FBXO31: variants seen among roughly 807,000 people sequenced by gnomAD.
The protein encoded by FBXO31 is F-box only protein 31.
A neutral mutation model predicts 54.4 loss-of-function variants in FBXO31; 24 were observed. The ratio of observed to expected loss-of-function variants is 0.44; its 90% CI spans 0.32 to 0.62. The LOEUF is 0.62. FBXO31 is among the 20% of genes least tolerant of loss of function. FBXO31 has a pLI of 0.05. For synonymous variants in FBXO31, 388 were observed against 335.6 expected, an observed-to-expected ratio of 1.16 and a Z score of -1.71; for missense variants, 665 against 787.1, an observed-to-expected ratio of 0.84 and a Z score of 1.86.
chr16:87,362,327 G>A (rs1462982156), intron 1 of FBXO31, among the ~76,000 whole-genome samples: 1 of 151,640 alleles, frequency 6.6e-6, no homozygotes, highest in African/African-American at 2.4e-5. Flanking sequence ...TAGAGATAGG[G>A]TCTCACTATG....
chr16:87,331,447 G>T lies in FBXO31; in HGVS notation c.1461C>A (p.Val487=). The change falls in exon 9 of 9, where the codon GTC becomes GTA. Residue 487 remains valine, a synonymous_variant. Transcript: ENST00000311635. The part of the protein sequence containing the change: ...GFTSPERTPG[V]FILFDEDRFG... The stretch of plus-strand genomic sequence containing the variant: ...AGCGGTCCTCATCGAAGAGGATGAA[G>T]ACCCCGGGGGTGCGTTCAGGGCTGG... 1 of 1,613,668 alleles carries T rather than the reference G, an allele frequency of 6.2e-7. No individual in the cohort carries two copies. The highest frequency in any genetic ancestry group is 8.5e-7 in the Non-Finnish European group (1 of 1,179,926).
chr16:87,381,199 A>G (rs1780345928), intron 1 of FBXO31, among the ~76,000 whole-genome samples: 1 of 152,214 alleles, frequency 6.6e-6, no homozygotes, highest in African/African-American at 2.4e-5. Context: ...CATGACAAAA[A>G]TCTTGTATTA....
intron 2 of FBXO31, among the ~76,000 whole-genome samples, chr16:87,355,331 A>T (rs1905844650): frequency 6.6e-6 from 1 of 152,260 alleles, no homozygotes; most frequent in Non-Finnish European, 1.5e-5. Flanking sequence ...ATCAGGGCAG[A>T]CTTTTCCGAA....
intron 2 of FBXO31, among the ~76,000 whole-genome samples, chr16:87,352,017 G>A (rs1306700975): frequency 6.6e-6 from 1 of 152,210 alleles, no homozygotes; most frequent in Non-Finnish European, 1.5e-5. Flanking sequence ...AAGTCAATCA[G>A]CAAGGCGATG....
At chr16:87,354,307 T>C (rs1412225957) in intron 2 of FBXO31, among the ~76,000 whole-genome samples, 4 of 151,894 alleles carry the variant, frequency 2.6e-5, no homozygotes, top group African/African-American at 9.7e-5. Context: ...CCCTTGTCTC[T>C]ACAAAAACAA....
At chr16:87,361,684 C>G (rs1195362364) in intron 1 of FBXO31, among the ~76,000 whole-genome samples, 1 of 152,224 alleles carries the variant, frequency 6.6e-6, no homozygotes, top group African/African-American at 2.4e-5. Flanking sequence ...GAGGCCTCAT[C>G]CCTTCTTTTC....
intron 8 of FBXO31, among the ~76,000 whole-genome samples, chr16:87,332,599 G>C (rs1266652219): frequency 2.0e-5 from 3 of 150,630 alleles, no homozygotes; most frequent in Non-Finnish European, 4.4e-5. Flanking sequence ...ATCATACATG[G>C]AACATGAAGA....
At chr16:87,350,009 A>C (rs1905577679) in intron 2 of FBXO31, among the ~76,000 whole-genome samples, 1 of 152,086 alleles carries the variant, frequency 6.6e-6, no homozygotes, top group Non-Finnish European at 1.5e-5. Flanking sequence ...TAATCCCATC[A>C]CTCAGAGACC....
In FBXO31 at chr16:87,347,075, G is replaced by A; in HGVS notation, c.489+99C>T. On this transcript the variant is annotated intron_variant, in intron 3 of 8. Transcript: ENST00000311635. The stretch of plus-strand genomic sequence containing the variant: ...GGTAATTACCTCAAACGCACATCTG[G>A]GCCAGCTTGTACCCAGGTAGAAGAG... The A allele has an allele frequency of 6.5e-6, 7 of 1,082,176 alleles. 1 individual carries two copies. In the South Asian group the frequency reaches 7.5e-5, roughly 12 times the overall value. 67.0% of individuals were successfully genotyped at this position (1,082,176 alleles called of 1,614,324 possible). A position where few individuals can be genotyped will look rare whatever the true frequency, so the allele number is the denominator to read the frequency against.
rs776808608 is a variant in FBXO31 at position 87,329,286 on chromosome 16, G to C, written c.*2002C>G. On this transcript the variant is annotated 3_prime_UTR_variant, in exon 9 of 9. Coordinates refer to ENST00000311635, the MANE Select transcript of FBXO31 (RefSeq NM_024735.5). Reference sequence around the variant, plus strand: ...ATGAACTGACCAACAGCCCATGGCTGAGACATGATGGGTGGAAGCTATTTC... The same window carrying C: ...ATGAACTGACCAACAGCCCATGGCTCAGACATGATGGGTGGAAGCTATTTC... The C allele has an allele frequency of 6.6e-6, 1 of 152,386 alleles. No homozygotes were observed. The highest frequency in any genetic ancestry group is 2.4e-5 in the African/African-American group (1 of 41,470). The allele number at this position is 152,386 out of a possible 1,614,324, so 9.4% of individuals were successfully genotyped here. A position where few individuals can be genotyped will look rare whatever the true frequency, so the allele number is the denominator to read the frequency against.
intron 5 of FBXO31, among the ~76,000 whole-genome samples, chr16:87,337,787 CA>C: frequency 6.6e-6 from 1 of 150,960 alleles, no homozygotes; most frequent in African/African-American, 2.4e-5. Flanking sequence ...GGCCTCCACA[CA>C]AATGCAGAAC....
chr16:87,368,202 G>A (rs1906448274), intron 1 of FBXO31, among the ~76,000 whole-genome samples: 1 of 152,180 alleles, frequency 6.6e-6, no homozygotes, highest in Non-Finnish European at 1.5e-5. Context: ...AATCCTTAGT[G>A]GGTTTTTCCT....
rs1597382374 is a variant in FBXO31 at position 87,383,371 on chromosome 16, G to GC, written c.340+33dup. On this transcript the variant is annotated intron_variant, in intron 1 of 8. Transcript: ENST00000311635. This position sits in a 1 kb window ranked among gnomAD's most constrained non-coding sequence, Gnocchi z 4.9. The stretch of plus-strand genomic sequence containing the variant: ...GGCCTCCACCTGGCAGGGACCCCCC[G>GC]CCCCTCCCGGCCCCGCCACCCCCGC... 1.4e-5 allele frequency: 11 copies of GC among 793,282 alleles called. No individual in the cohort carries two copies. Among genetic ancestry groups the GC allele is most frequent in the Middle Eastern group, 4.4e-4 (1 of 2,296 alleles). 49.1% of individuals were successfully genotyped at this position (793,282 alleles called of 1,614,324 possible).
intron 1 of FBXO31, among the ~76,000 whole-genome samples, chr16:87,365,493 C>T (rs1039784061): frequency 3.9e-5 from 6 of 152,188 alleles, no homozygotes; most frequent in African/African-American, 7.2e-5. Flanking sequence ...CCGCTCTGGG[C>T]GTGGTCCAGG....
chr16:87,387,038 C>G (rs574516012), upstream of FBXO31, among the ~76,000 whole-genome samples: 39 of 152,192 alleles, frequency 2.6e-4, no homozygotes, highest in Middle Eastern at 0.01. Context: ...GTGGCTCACA[C>G]CCAGAATCCC....
chr16:87,366,747 G>C (rs1906384178), intron 1 of FBXO31, among the ~76,000 whole-genome samples: 1 of 152,228 alleles, frequency 6.6e-6, no homozygotes, highest in Non-Finnish European at 1.5e-5. Context: ...GCTACATGGA[G>C]AGAGGGGAGG....
intron 1 of FBXO31, among the ~76,000 whole-genome samples, chr16:87,382,071 G>A (rs919278316): frequency 1.3e-5 from 2 of 150,590 alleles, no homozygotes; most frequent in Non-Finnish European, 3.0e-5. Flanking sequence ...AATCTCAGAA[G>A]TTCCCAAGGA....
intron 1 of FBXO31, among the ~76,000 whole-genome samples, chr16:87,366,431 G>A (rs1418618998): frequency 6.6e-6 from 1 of 152,158 alleles, no homozygotes; most frequent in Non-Finnish European, 1.5e-5. Flanking sequence ...GTGGTGGCAA[G>A]GGCCCAGACA....
chr16:87,383,721 G>A lies in FBXO31; in HGVS notation c.24C>T (p.Cys8=), dbSNP rs1209453961. 6 of 1,248,446 alleles carry A rather than the reference G, an allele frequency of 4.8e-6. No individual in the cohort carries two copies. The highest frequency in any genetic ancestry group is 3.5e-5 in the East Asian group (1 of 28,850). 77.3% of individuals were successfully genotyped at this position (1,248,446 alleles called of 1,614,324 possible). A position where few individuals can be genotyped will look rare whatever the true frequency, so the allele number is the denominator to read the frequency against. MAVCARL[C]GVGPSRGCRR... is the part of the protein sequence containing the mutation. Reference sequence around the variant, plus strand: ...GACATCCGCGCGACGGGCCCACGCCGCAAAGGCGAGCACACACCGCCATGC... The same window carrying A: ...GACATCCGCGCGACGGGCCCACGCCACAAAGGCGAGCACACACCGCCATGC... Residue 8 remains cysteine, a synonymous_variant, in exon 1 of 9, where the codon TGC becomes TGT. Coordinates refer to ENST00000311635, the MANE Select transcript of FBXO31 (RefSeq NM_024735.5). This position sits in a 1 kb window ranked among gnomAD's most constrained non-coding sequence, Gnocchi z 4.9.
Sources: allele counts gnomAD v4.1 joint callset (sites outside exome capture counted in the v4.1 genomes callset), GRCh38; gene constraint gnomAD v4.1.1; non-coding constraint Gnocchi (gnomAD v3.1); transcripts MANE v1.5; gene names NCBI Gene and HGNC (gene_info 2026-07-23, HGNC 2026-07-21).